Variants in TDRD3 observed in about 807,000 individuals in gnomAD.
TDRD3 encodes tudor domain-containing protein 3.
In TDRD3, 45 loss-of-function variants were observed where a neutral mutation model predicts 86.7. The observed-to-expected ratio is 0.52, with a 90% CI of 0.41 to 0.67. The LOEUF (loss-of-function observed/expected upper bound fraction) is 0.67, where lower values mean the gene tolerates loss of function less well. TDRD3 is among the 30% of genes least tolerant of loss of function. The pLI, the probability that TDRD3 is intolerant of heterozygous loss-of-function variation, is 0.00. For synonymous variants in TDRD3, 298 were observed against 301.7 expected (o/e 0.99, Z 0.13); for missense variants, 814 against 889.0 (o/e 0.92, Z 1.07).
intron 1 of TDRD3, among the ~76,000 whole-genome samples, chr13:60,407,421 G>A (rs1324321417): frequency 6.6e-6 from 1 of 152,162 alleles, no homozygotes; most frequent in Non-Finnish European, 1.5e-5. Flanking sequence ...TGAAATGAAT[G>A]TTGTGAAATT....
chr13:60,541,072 T>C (rs988804885), intron 12 of TDRD3, among the ~76,000 whole-genome samples: 1 of 152,218 alleles, frequency 6.6e-6, no homozygotes, highest in East Asian at 1.9e-4. Flanking sequence ...ATTTGGAAAA[T>C]GCTAGATTAA....
At chr13:60,433,654 A>C (rs1435725158) in intron 1 of TDRD3, among the ~76,000 whole-genome samples, 1 of 152,256 alleles carries the variant, frequency 6.6e-6, no homozygotes, top group African/African-American at 2.4e-5. Context: ...TACAAAGTAC[A>C]TGTACCACAT....
At chr13:60,530,106 T>A (rs1186475355) in intron 11 of TDRD3, among the ~76,000 whole-genome samples, 1 of 152,218 alleles carries the variant, frequency 6.6e-6, no homozygotes, top group Non-Finnish European at 1.5e-5. Flanking sequence ...AGTGCCTTAA[T>A]TACTTTTTAA....
chr13:60,426,449 A>T (rs530104037), intron 1 of TDRD3, among the ~76,000 whole-genome samples: 14 of 152,336 alleles, frequency 9.2e-5, no homozygotes, highest in African/African-American at 3.4e-4. Flanking sequence ...TAACTGTGAG[A>T]TGATAGATAT....
At chr13:60,398,970 T>C (rs950096666) in intron 1 of TDRD3, among the ~76,000 whole-genome samples, 1 of 152,206 alleles carries the variant, frequency 6.6e-6, no homozygotes, top group African/African-American at 2.4e-5. Context: ...ACTAGTAATA[T>C]TTTCATTTAC....
intron 3 of TDRD3, among the ~76,000 whole-genome samples, chr13:60,449,691 C>T (rs1164881232): frequency 6.6e-6 from 1 of 151,986 alleles, no homozygotes; most frequent in Non-Finnish European, 1.5e-5. Context: ...TTGTCAATTT[C>T]TTAATTATAA....
intron 3 of TDRD3, among the ~76,000 whole-genome samples, chr13:60,448,040 G>A (rs1313302576): frequency 1.3e-5 from 2 of 152,128 alleles, no homozygotes; most frequent in African/African-American, 2.4e-5. Context: ...GATTAAAGGA[G>A]TGTAGAGACG....
chr13:60,552,491 G>A (rs1958086677), intron 12 of TDRD3, among the ~76,000 whole-genome samples: 1 of 152,228 alleles, frequency 6.6e-6, no homozygotes, highest in Non-Finnish European at 1.5e-5. Context: ...CTGGTGTTGA[G>A]TGCCTGTGGC....
At position 60,517,646 on chromosome 13, in the gene TDRD3, G is replaced by T. The variant is rs1291863385; in HGVS notation, c.1141+6891G>T. Among the ~76,000 whole-genome samples, 8 of 152,110 alleles carry T rather than the reference G, an allele frequency of 5.3e-5. No individual in the cohort carries two copies. In the East Asian group the frequency reaches 1.5e-3, roughly 29 times the overall value. On this transcript the variant is annotated intron_variant, in intron 10 of 13. Transcript: ENST00000377881. ...TCCCAGCCCTTGAATTTTTCTTCCT[G>T]TAAAGCTGATTCCTTTTTACCATTC...
chr13:60,500,925 A>G (rs1956816423), intron 8 of TDRD3, among the ~76,000 whole-genome samples: 1 of 152,218 alleles, frequency 6.6e-6, no homozygotes, highest in African/African-American at 2.4e-5. Context: ...CACACCTATT[A>G]TATTCCAATG....
intron 12 of TDRD3, among the ~76,000 whole-genome samples, chr13:60,554,687 C>G (rs1407406884): frequency 6.6e-6 from 1 of 152,224 alleles, no homozygotes; most frequent in African/African-American, 2.4e-5. Context: ...CTAACTTGTT[C>G]TTGCTGTCAC....
intron 3 of TDRD3, among the ~76,000 whole-genome samples, chr13:60,449,986 T>G (rs897410834): frequency 2.0e-5 from 3 of 152,134 alleles, no homozygotes; most frequent in African/African-American, 7.2e-5. Context: ...TAGTGAATTC[T>G]AATAATTCTT....
chr13:60,548,928 G>T (rs1673350425), intron 12 of TDRD3, among the ~76,000 whole-genome samples: 1 of 152,072 alleles, frequency 6.6e-6, no homozygotes, highest in Non-Finnish European at 1.5e-5. Flanking sequence ...TAATTGCTTG[G>T]AGATTATCAT....
intron 1 of TDRD3, among the ~76,000 whole-genome samples, chr13:60,404,292 G>T (rs1469564899): frequency 1.3e-5 from 2 of 149,990 alleles, no homozygotes; most frequent in Non-Finnish European, 3.0e-5. Flanking sequence ...CGTTTTTGTT[G>T]TTGTTGTTGG....
intron 8 of TDRD3, among the ~76,000 whole-genome samples, chr13:60,504,325 GGTTA>G (rs1387462007): frequency 1.3e-5 from 2 of 152,154 alleles, no homozygotes; most frequent in Non-Finnish European, 2.9e-5. Flanking sequence ...TGAAAAACCT[GGTTA>G]GTAAGCAGTT....
At chr13:60,442,614 T>A (rs1274427972) in intron 2 of TDRD3, among the ~76,000 whole-genome samples, 1 of 152,124 alleles carries the variant, frequency 6.6e-6, no homozygotes, top group African/African-American at 2.4e-5. Flanking sequence ...ATTTGGTAGA[T>A]CATTTTCATC....
At chr13:60,480,783 C>T (rs953219612) in intron 5 of TDRD3, among the ~76,000 whole-genome samples, 1 of 151,630 alleles carries the variant, frequency 6.6e-6, no homozygotes, top group East Asian at 1.9e-4. Flanking sequence ...GAGGGCCCCA[C>T]AGGCAGGGGG....
chr13:60,529,163 A>T lies in TDRD3; in HGVS notation c.1938A>T (p.Ala646=). The T allele has an allele frequency of 6.2e-7, 1 of 1,609,822 alleles. No individual in the cohort carries two copies. Among genetic ancestry groups the T allele is most frequent in the Non-Finnish European group, 8.5e-7 (1 of 1,178,576 alleles). Residue 646 remains alanine (A), a synonymous_variant, in exon 11 of 14, where the codon GCA becomes GCT. Coordinates refer to ENST00000377881, the MANE Select transcript of TDRD3 (RefSeq NM_001146070.2). ...ILESSIPMEY[A]KMWKPGDECF... ...AATCATCTATTCCTATGGAGTATGCAAAAATGTGGAAACCTGGAGATGAAT... is the reference window on the plus strand; with the variant it reads ...AATCATCTATTCCTATGGAGTATGCTAAAATGTGGAAACCTGGAGATGAAT...
At chr13:60,447,890 C>T (rs966405675) in intron 3 of TDRD3, among the ~76,000 whole-genome samples, 5 of 152,090 alleles carry the variant, frequency 3.3e-5, no homozygotes, top group Non-Finnish European at 7.4e-5. Context: ...AAACTGCCTC[C>T]ATTAACGTTG....
Sources: gnomAD v4.1 joint callset for allele counts (sites outside exome capture counted in the v4.1 genomes callset) on GRCh38, gnomAD v4.1.1 for gene constraint, MANE v1.5 for transcripts, NCBI Gene and HGNC (gene_info 2026-07-23, HGNC 2026-07-21) for gene names.